The following LPIN1 variants were observed in gnomAD, a reference collection of about 807,000 sequenced individuals.
LPIN1 encodes the protein lipin 1, also known as phosphatidate phosphatase LPIN1.
In LPIN1, 71 loss-of-function variants were observed where a neutral mutation model predicts 107.5. The ratio of observed to expected loss-of-function variants is 0.66; its 90% CI spans 0.55 to 0.80. LPIN1 has a LOEUF of 0.80. LPIN1 is among the 30% of genes least tolerant of loss of function. The probability of loss-of-function intolerance (pLI) is 0.00; values close to 1 mark genes in which losing one functional copy is unlikely to be tolerated. For synonymous variants in LPIN1, 445 were observed against 452.6 expected (o/e 0.98, Z 0.21); for missense variants, 1,043 against 1,160.6 (o/e 0.90, Z 1.47).
intron 9 of LPIN1, 45 bp from the exon 10 acceptor site, chr2:11,784,841 C>A: frequency 6.3e-7 from 1 of 1,596,580 alleles, no homozygotes; most frequent in Non-Finnish European, 8.6e-7. Flanking sequence ...GGACCCTGAA[C>A]TGGGACAGTC....
upstream of LPIN1, among the ~76,000 whole-genome samples, chr2:11,720,775 C>T (rs1664072798): frequency 6.6e-6 from 1 of 151,808 alleles, no homozygotes; most frequent in Non-Finnish European, 1.5e-5. Context: ...GTGTGTCTGG[C>T]AGAGTGATGT....
chr2:11,813,408 C>T (rs988717054), intron 17 of LPIN1, among the ~76,000 whole-genome samples: 4 of 151,610 alleles, frequency 2.6e-5, no homozygotes, highest in Middle Eastern at 3.4e-3. Context: ...ACTTTAATGT[C>T]GAAAATGCAA....
intron 1 of LPIN1, among the ~76,000 whole-genome samples, chr2:11,764,001 A>G (rs755719210): frequency 0.049 from 5,979 of 122,946 alleles, 165 homozygotes; most frequent in Non-Finnish European, 0.062. Flanking sequence ...ATATATATAT[A>G]TATATTTGGA....
At chr2:11,702,968 C>A (rs536307848) in intron 1 of LPIN1, among the ~76,000 whole-genome samples, 4 of 152,202 alleles carry the variant, frequency 2.6e-5, no homozygotes, top group African/African-American at 9.6e-5. Context: ...TGTGGATGAC[C>A]GCCTCCCAGG....
chr2:11,700,874 T>C (rs994569971), intron 1 of LPIN1, among the ~76,000 whole-genome samples: 2 of 152,218 alleles, frequency 1.3e-5, no homozygotes, highest in Non-Finnish European at 2.9e-5. Flanking sequence ...CCACTCCATA[T>C]GCCTAGGCTC....
At chr2:11,724,616 A>C in intron 1 of LPIN1, 1 of 985,426 alleles carries the variant, frequency 1.0e-6, no homozygotes, top group Non-Finnish European at 1.2e-6. Flanking sequence ...TCTGATGGGG[A>C]GATGAGACTT....
Position 11,754,265 on chromosome 2 carries a change from CCAGGCTCCTTGGATGTGCCTTAAGCCCA to C in LPIN1, c.-10+7599_-10+7626del, listed in dbSNP as rs1374470562. Among the ~76,000 whole-genome samples the C allele has an allele frequency of 3.9e-5, 6 of 152,340 alleles. 1 individual carries two copies. The highest frequency in any genetic ancestry group is 1.4e-4 in the African/African-American group (6 of 41,586). ...TGATATTAGGTTGGCTTTTGAATCA[CCAGGCTCCTTGGATGTGCCTTAAGCCCA>C]CAGGTGCCCTTTAAGCACCTGCCGT... On this transcript the variant is annotated intron_variant, in intron 1 of 20. Coordinates refer to ENST00000674199, the MANE Select transcript of LPIN1 (RefSeq NM_001349206.2).
intron 17 of LPIN1, among the ~76,000 whole-genome samples, chr2:11,811,308 G>A (rs1377961294): frequency 6.6e-6 from 1 of 152,214 alleles, no homozygotes; most frequent in African/African-American, 2.4e-5. Context: ...TCTGAGTGAG[G>A]GGTCTTCCCT....
chr2:11,698,419 C>T (rs1018018609), intron 1 of LPIN1, among the ~76,000 whole-genome samples: 4 of 152,200 alleles, frequency 2.6e-5, no homozygotes, highest in African/African-American at 7.2e-5. Context: ...TTCCGGGAAA[C>T]GTAGGAACAG....
At chr2:11,740,750 A>C (rs1021581603) in intron 1 of LPIN1, among the ~76,000 whole-genome samples, 3 of 149,620 alleles carry the variant, frequency 2.0e-5, no homozygotes, top group African/African-American at 7.6e-5. Flanking sequence ...AAGAAAGAAA[A>C]GATCTTCTTA....
chr2:11,771,296 G>T lies in LPIN1; in HGVS notation c.289-76G>T. 1 of 1,440,974 alleles carries T rather than the reference G, an allele frequency of 6.9e-7. No homozygotes were observed. Among genetic ancestry groups the T allele is most frequent in the Non-Finnish European group, 9.8e-7 (1 of 1,025,242 alleles). 89.3% of individuals were successfully genotyped at this position (1,440,974 alleles called of 1,614,324 possible). A position where few individuals can be genotyped will look rare whatever the true frequency, so the allele number is the denominator to read the frequency against. On this transcript the variant is annotated intron_variant, in intron 3 of 20. Coordinates refer to ENST00000674199, the MANE Select transcript of LPIN1 (RefSeq NM_001349206.2). This position sits in a 1 kb window ranked among gnomAD's most constrained non-coding sequence, Gnocchi z 4.8. ...GTGCTTGGCCTCTGAAGTGAATCCT[G>T]GAGGCCTCTGGCAAGGCCCTGCTTC...
chr2:11,719,791 CT>C (rs67142448), upstream of LPIN1, among the ~76,000 whole-genome samples: 10,027 of 132,680 alleles, frequency 0.076, 439 homozygotes, highest in Middle Eastern at 0.16. Context: ...CCAATTGCTT[CT>C]TTTTTTTTTT....
intron 1 of LPIN1, among the ~76,000 whole-genome samples, chr2:11,694,769 T>G (rs1005879051): frequency 6.6e-6 from 1 of 152,234 alleles, no homozygotes; most frequent in Non-Finnish European, 1.5e-5. Flanking sequence ...TGCCTTTTAC[T>G]AAACATCTGT....
intron 13 of LPIN1, 53 bp downstream of exon 13, chr2:11,792,059 T>C (rs534167670): frequency 6.8e-7 from 1 of 1,467,332 alleles, no homozygotes; most frequent in South Asian, 1.2e-5. Context: ...TGGTTTTGTG[T>C]AGTGAGATTG....
intron 1 of LPIN1, among the ~76,000 whole-genome samples, chr2:11,730,794 A>C (rs1413222929): frequency 6.6e-6 from 1 of 152,168 alleles, no homozygotes; most frequent in Non-Finnish European, 1.5e-5. Flanking sequence ...CTCATATTTT[A>C]GGGTGCAGTT....
chr2:11,744,127 T>C (rs942771375), upstream of LPIN1, among the ~76,000 whole-genome samples: 33 of 152,348 alleles, frequency 2.2e-4, no homozygotes, highest in South Asian at 3.9e-3. Context: ...CTGGCTTTGC[T>C]AAGGCATTAC....
intron 1 of LPIN1, among the ~76,000 whole-genome samples, chr2:11,691,158 C>T (rs555916787): frequency 9.5e-5 from 14 of 148,138 alleles, no homozygotes; most frequent in Admixed American, 6.1e-4. Flanking sequence ...AGCAACAAGG[C>T]TGGGTGATTT....
In LPIN1 at chr2:11,773,622, C is replaced by T; in HGVS notation, c.599C>T (p.Thr200Ile). 6.2e-7 allele frequency: 1 copy of T among 1,605,050 alleles called. No homozygotes were observed. Among genetic ancestry groups the T allele is most frequent in the Non-Finnish European group, 8.5e-7 (1 of 1,172,576 alleles). The part of the protein sequence containing the change: ...EAMELLESSR[T>I]LPNDIPPFQD... ...TAATCTTTTTTTTTTTCCTCCAGAA[C>T]TCTTCCTAATGATATACCTCCATTC... Residue 200 changes from threonine to isoleucine, a missense_variant and splice_region_variant, in exon 5 of 21, where the codon ACT (threonine) becomes ATT (isoleucine). Thr to Ile is a moderately conservative substitution (Grantham distance 89). Coordinates refer to ENST00000674199, the MANE Select transcript of LPIN1 (RefSeq NM_001349206.2).
intron 13 of LPIN1, 27 bp downstream of exon 13, chr2:11,792,033 C>A: frequency 1.3e-6 from 2 of 1,593,156 alleles, no homozygotes; most frequent in South Asian, 2.2e-5. Flanking sequence ...AAGCAGTGCT[C>A]ACACTTAGCA....
Sources: allele counts gnomAD v4.1 joint callset (sites outside exome capture counted in the v4.1 genomes callset), GRCh38; gene constraint gnomAD v4.1.1; non-coding constraint Gnocchi (gnomAD v3.1); transcripts MANE v1.5; gene names NCBI Gene and HGNC (gene_info 2026-07-23, HGNC 2026-07-21).